DRC11: variants seen among roughly 807,000 people sequenced by gnomAD.
DRC11 encodes IQ and AAA domain-containing protein 1.
the DRC11 span, among the ~76,000 whole-genome samples, chr2:236,459,506 C>T: frequency 8.2e-3 from 826 of 101,266 alleles, 10 homozygotes; most frequent in African/African-American, 0.028. Flanking sequence ...TATATGTATA[C>T]GTATACGTAT....
At chr2:236,316,809 G>A in the DRC11 span, among the ~76,000 whole-genome samples, 11 of 152,324 alleles carry the variant, frequency 7.2e-5, no homozygotes, top group East Asian at 5.8e-4. The surrounding 1 kb of genome is among the most constrained non-coding windows in gnomAD (Gnocchi z 6.8). Context: ...TGCATGCATC[G>A]CTGGTGGCAG....
chr2:236,384,989 C>G, the DRC11 span, among the ~76,000 whole-genome samples: 7 of 152,052 alleles, frequency 4.6e-5, no homozygotes, highest in Admixed American at 2.6e-4. Flanking sequence ...GGCGTTATTT[C>G]TGAGGGCTCT....
the DRC11 span, among the ~76,000 whole-genome samples, chr2:236,506,513 C>T: frequency 0.067 from 10,223 of 152,230 alleles, 858 homozygotes; most frequent in African/African-American, 0.19. This position sits in a 1 kb window ranked among gnomAD's most constrained non-coding sequence, Gnocchi z 4.9. Context: ...ATACAGGGCA[C>T]GTAATAGCAA....
the DRC11 span, among the ~76,000 whole-genome samples, chr2:236,489,611 G>A: frequency 2.6e-5 from 4 of 152,116 alleles, no homozygotes; most frequent in Non-Finnish European, 5.9e-5. Context: ...AGAAGGGACA[G>A]ATCACTGGAG....
At chr2:236,394,236 G>A in the DRC11 span, among the ~76,000 whole-genome samples, 1 of 152,154 alleles carries the variant, frequency 6.6e-6, no homozygotes, top group African/African-American at 2.4e-5. The surrounding 1 kb of genome is among the most constrained non-coding windows in gnomAD (Gnocchi z 7.0). Context: ...AGGAATAAGG[G>A]CCCTGGGGCC....
the DRC11 span, chr2:236,338,063 G>A: frequency 2.6e-4 from 181 of 684,558 alleles, no homozygotes; most frequent in African/African-American, 2.9e-3. Context: ...TGTGTTGGGT[G>A]CAGGTGCACA....
the DRC11 span, among the ~76,000 whole-genome samples, chr2:236,417,304 A>G: frequency 6.6e-6 from 1 of 152,120 alleles, no homozygotes; most frequent in Non-Finnish European, 1.5e-5. Context: ...TGCACAGGCT[A>G]TCCCTTTTCT....
At chr2:236,465,795 A>C in the DRC11 span, 6 of 822,238 alleles carry the variant, frequency 7.3e-6, no homozygotes, top group Admixed American at 2.1e-5. This position sits in a 1 kb window ranked among gnomAD's most constrained non-coding sequence, Gnocchi z 6.2. Flanking sequence ...AAATGTGTTA[A>C]TATCTTCCAT....
chr2:236,399,422 C>T, the DRC11 span: 1,396 of 1,613,634 alleles, frequency 8.7e-4, 9 homozygotes, highest in African/African-American at 0.013. This position sits in a 1 kb window ranked among gnomAD's most constrained non-coding sequence, Gnocchi z 7.0. Flanking sequence ...CCTTTGTATG[C>T]GTTACATCCT....
At chr2:236,388,242 T>C in the DRC11 span, among the ~76,000 whole-genome samples, 1 of 151,632 alleles carries the variant, frequency 6.6e-6, no homozygotes, top group African/African-American at 2.4e-5. Context: ...TCCTGGATAA[T>C]ATCCTGCAGA....
chr2:236,313,417 A>G, the DRC11 span, among the ~76,000 whole-genome samples: 1 of 152,208 alleles, frequency 6.6e-6, no homozygotes, highest in Non-Finnish European at 1.5e-5. This position sits in a 1 kb window ranked among gnomAD's most constrained non-coding sequence, Gnocchi z 4.5. Context: ...AATGCTGATG[A>G]GGATGTGGAG....
the DRC11 span, chr2:236,363,658 G>C: frequency 1.3e-6 from 1 of 777,806 alleles, no homozygotes; most frequent in Non-Finnish European, 2.2e-6. The surrounding 1 kb of genome is among the most constrained non-coding windows in gnomAD (Gnocchi z 5.6). Flanking sequence ...TAATTTGCAG[G>C]AGTAGACAAT....
chr2:236,438,761 A>G, the DRC11 span, among the ~76,000 whole-genome samples: 4 of 152,156 alleles, frequency 2.6e-5, no homozygotes, highest in African/African-American at 7.2e-5. Context: ...TCAACAGAAT[A>G]TACATTTTTT....
At chr2:236,342,017 T>G in the DRC11 span, among the ~76,000 whole-genome samples, 1 of 152,212 alleles carries the variant, frequency 6.6e-6, no homozygotes, top group South Asian at 2.1e-4. This position sits in a 1 kb window ranked among gnomAD's most constrained non-coding sequence, Gnocchi z 5.8. Context: ...TTGGCTTCCA[T>G]GCTCGGGTGG....
the DRC11 span, among the ~76,000 whole-genome samples, chr2:236,342,441 C>T: frequency 1.3e-4 from 20 of 152,326 alleles, no homozygotes; most frequent in South Asian, 2.7e-3. The surrounding 1 kb of genome is among the most constrained non-coding windows in gnomAD (Gnocchi z 5.8). Context: ...GTCCAATGCT[C>T]ATGGCCACCT....
the DRC11 span, among the ~76,000 whole-genome samples, chr2:236,318,488 T>TATGC: frequency 6.6e-6 from 1 of 152,094 alleles, no homozygotes; most frequent in African/African-American, 2.4e-5. The surrounding 1 kb of genome is among the most constrained non-coding windows in gnomAD (Gnocchi z 7.0). Flanking sequence ...GGGATGTATG[T>TATGC]ATGCATGTGT....
chr2:236,472,560 G>C, the DRC11 span, among the ~76,000 whole-genome samples: 1 of 152,120 alleles, frequency 6.6e-6, no homozygotes, highest in African/African-American at 2.4e-5. This position sits in a 1 kb window ranked among gnomAD's most constrained non-coding sequence, Gnocchi z 4.6. Context: ...TATAGTTGTT[G>C]ATAGTTTTCC....
chr2:236,460,423 G>A, the DRC11 span, among the ~76,000 whole-genome samples: 1 of 152,158 alleles, frequency 6.6e-6, no homozygotes, highest in Non-Finnish European at 1.5e-5. The surrounding 1 kb of genome is among the most constrained non-coding windows in gnomAD (Gnocchi z 4.0). Context: ...AGGTGGGGAA[G>A]CAACTCACAT....
At chr2:236,419,860 G>A in the DRC11 span, among the ~76,000 whole-genome samples, 2 of 152,124 alleles carry the variant, frequency 1.3e-5, no homozygotes, top group Non-Finnish European at 2.9e-5. The surrounding 1 kb of genome is among the most constrained non-coding windows in gnomAD (Gnocchi z 4.8). Context: ...TTATAGATTT[G>A]TTAAAAAAAC....
Sources: allele counts gnomAD v4.1 joint callset (sites outside exome capture counted in the v4.1 genomes callset), GRCh38; gene constraint gnomAD v4.1.1; non-coding constraint Gnocchi (gnomAD v3.1); transcripts MANE v1.5; gene names NCBI Gene and HGNC (gene_info 2026-07-23, HGNC 2026-07-21).